RBM10: variants seen among roughly 807,000 people sequenced by gnomAD.
The protein encoded by RBM10 is RNA binding motif protein 10, also known as RNA-binding protein 10.
RBM10 carries 1 observed loss-of-function variant against 84.9 expected under a neutral mutation model. The ratio of observed to expected loss-of-function variants is 0.01; its 90% CI spans 0.00 to 0.06. The LOEUF is 0.06. RBM10 is among the 10% of genes least tolerant of loss of function. The pLI is 1.00. For missense variants in RBM10, 438 were observed against 839.0 expected (o/e 0.52, Z 5.90); for synonymous variants, 326 against 344.5 (o/e 0.95, Z 0.60).
At chrX:47,181,888 G>A (rs1164246506) in intron 15 of RBM10, 22 bp downstream of exon 15, 10 of 1,209,644 alleles carry the variant, frequency 8.3e-6, no homozygotes, top group Non-Finnish European at 1.1e-5. Context: ...CAGCCTGTGG[G>A]TAGGGGTGGG....
At chrX:47,169,044 A>C (rs1033611441) in intron 2 of RBM10, among the ~76,000 whole-genome samples, 1 of 110,281 alleles carries the variant, frequency 9.1e-6, no homozygotes, top group African/African-American at 3.3e-5. Flanking sequence ...GCTTCCAAAG[A>C]ATAGAGTAGG....
At chrX:47,156,077 C>T (rs1335704652) in intron 2 of RBM10, among the ~76,000 whole-genome samples, 2 of 110,123 alleles carry the variant, frequency 1.8e-5, no homozygotes, top group South Asian at 3.8e-4. Context: ...CCAAAGTGCT[C>T]GGATTATAGG....
At chrX:47,166,769 G>A (rs925407497) in intron 2 of RBM10, among the ~76,000 whole-genome samples, 1 of 105,757 alleles carries the variant, frequency 9.5e-6, no homozygotes, top group Non-Finnish European at 1.9e-5. Context: ...ATCTCACCTA[G>A]CAAAATTTTC....
chrX:47,163,269 C>A (rs1439019589), intron 2 of RBM10, among the ~76,000 whole-genome samples: 1 of 111,350 alleles, frequency 9.0e-6, no homozygotes, highest in African/African-American at 3.3e-5. Context: ...AGGATTAAAT[C>A]TTGGATCAGA....
intron 3 of RBM10, 152 bp downstream of exon 3, chrX:47,169,650 A>C: frequency 1.8e-6 from 1 of 548,293 alleles, no homozygotes; most frequent in East Asian, 3.7e-5. Flanking sequence ...GCCTGTTCCC[A>C]CTCCCCTCTC....
At chrX:47,157,254 G>A in intron 2 of RBM10, 1 of 307,247 alleles carries the variant, frequency 3.3e-6, no homozygotes, top group Non-Finnish European at 6.2e-6. Flanking sequence ...CTTGAGCAAG[G>A]GCCTCTGGAC....
At chrX:47,163,191 A>T (rs781897698) in intron 2 of RBM10, among the ~76,000 whole-genome samples, 1 of 112,141 alleles carries the variant, frequency 8.9e-6, no homozygotes, top group East Asian at 2.8e-4. Context: ...AAACAAGGAC[A>T]GACTGATAAA....
chrX:47,157,044 G>T, intron 2 of RBM10: 1 of 293,282 alleles, frequency 3.4e-6, no homozygotes. Context: ...GATGATGTCG[G>T]TGCCGAACAG....
At chrX:47,160,980 C>A (rs1488338957) in intron 2 of RBM10, among the ~76,000 whole-genome samples, 1 of 111,682 alleles carries the variant, frequency 9.0e-6, no homozygotes, top group Non-Finnish European at 1.9e-5. Context: ...GAAACAAGGT[C>A]TTGCTGTGTT....
intron 2 of RBM10, among the ~76,000 whole-genome samples, chrX:47,163,837 C>T (rs1172042673): frequency 2.6e-4 from 25 of 97,317 alleles, no homozygotes; most frequent in African/African-American, 8.6e-4. Flanking sequence ...GGACTACAGG[C>T]GCCTGCCACC....
In RBM10 at chrX:47,176,714, G is replaced by GTCTCTCTC. The variant is rs59489451; in HGVS notation, c.663+151_663+158dup. On this transcript the variant is annotated intron_variant, in intron 7 of 23. Coordinates refer to ENST00000377604, the MANE Select transcript of RBM10 (RefSeq NM_005676.5). ...CTCCCCCAATCTCTCCTCTCCCTCT[G>GTCTCTCTC]TCTCTCTCTCTCTCTCTCTCTCTCT... 33 of 947,409 alleles carry GTCTCTCTC rather than the reference G, an allele frequency of 3.5e-5. No homozygotes were observed. In the African/African-American group the frequency reaches 5.2e-4, roughly 15 times the overall value. 78.1% of individuals were successfully genotyped at this position (947,409 alleles called of 1,213,427 possible).
Position 47,177,356 on chromosome X carries a change from C to T in RBM10, c.663+770C>T, listed in dbSNP as rs1490530660. ...CCATGGGTGAACCTTTAGCTGTGCC[C>T]TGTGCCTTGCTCCTGATCACAGGGA... On this transcript the variant is annotated intron_variant, in intron 7 of 23. Coordinates refer to ENST00000377604, the MANE Select transcript of RBM10 (RefSeq NM_005676.5). 1.3e-4 allele frequency among the ~76,000 whole-genome samples: 14 copies of T among 111,900 alleles called. No individual in the cohort carries two copies. The Admixed American group carries it at 1.3e-3, about 11-fold the overall frequency.
chrX:47,181,769 C>T lies in RBM10; in HGVS notation c.1596C>T (p.Pro532=), dbSNP rs540587642. ...ACCAGTCGTATACCATCATGTCACC[C>T]GCTGTGCTCAAATCTGAGCTCCAGA... ...ANSQSYTIMS[P]AVLKSELQSP... is the part of the protein sequence containing the mutation. Residue 532 remains proline, a synonymous_variant, in exon 15 of 24, where the codon CCC becomes CCT. Transcript: ENST00000377604. 50 of 1,209,322 alleles carry T rather than the reference C, an allele frequency of 4.1e-5. No individual in the cohort carries two copies. The highest frequency in any genetic ancestry group is 4.6e-4 in the Middle Eastern group (2 of 4,353).
At chrX:47,156,915 TG>T in intron 2 of RBM10, 1 of 213,333 alleles carries the variant, frequency 4.7e-6, no homozygotes. Flanking sequence ...GGCTGTGCTC[TG>T]GTCTTGGAAA....
At chrX:47,166,361 C>T (rs1934200112) in intron 2 of RBM10, among the ~76,000 whole-genome samples, 1 of 111,548 alleles carries the variant, frequency 9.0e-6, no homozygotes, top group Non-Finnish European at 1.9e-5. Flanking sequence ...GCTATGATTG[C>T]ACCACTGCAC....
In RBM10 at chrX:47,186,615, A is replaced by G. The variant is rs782685902; in HGVS notation, c.*16A>G. 1 of 1,211,160 alleles carries G rather than the reference A, an allele frequency of 8.3e-7. No homozygotes were observed. On this transcript the variant is annotated 3_prime_UTR_variant, in exon 24 of 24. Coordinates refer to ENST00000377604, the MANE Select transcript of RBM10 (RefSeq NM_005676.5). Reference sequence around the variant, plus strand: ...GGCCCAGTGAGCAGCTTCAAGAGCAACTTCTCCACATGTTGGGTGTCCATC... The same window carrying G: ...GGCCCAGTGAGCAGCTTCAAGAGCAGCTTCTCCACATGTTGGGTGTCCATC...
At chrX:47,167,491 G>A (rs1262188093) in intron 2 of RBM10, among the ~76,000 whole-genome samples, 1 of 108,503 alleles carries the variant, frequency 9.2e-6, no homozygotes. Flanking sequence ...AGCCTCCCAA[G>A]TAGCTGAGAT....
At chrX:47,173,892 TCTC>T (rs1934876985) in intron 5 of RBM10, among the ~76,000 whole-genome samples, 1 of 22,712 alleles carries the variant, frequency 4.4e-5, no homozygotes, top group Non-Finnish European at 1.3e-4. Context: ...CACCTCCATC[TCTC>T]TCTCTCTCTC....
chrX:47,186,220 G>C (rs782265109), intron 22 of RBM10, 38 bp from the exon 23 acceptor site: 19 of 1,209,383 alleles, frequency 1.6e-5, no homozygotes, highest in Non-Finnish European at 2.1e-5. Context: ...GGCCGGGGCC[G>C]GCAGGCCGAC....
Sources: allele counts gnomAD v4.1 joint callset (sites outside exome capture counted in the v4.1 genomes callset), GRCh38; gene constraint gnomAD v4.1.1; transcripts MANE v1.5; gene names NCBI Gene and HGNC (gene_info 2026-07-23, HGNC 2026-07-21).